CSGALNACT2: variants seen among roughly 807,000 people sequenced by gnomAD.
CSGALNACT2 encodes chondroitin sulfate N-acetylgalactosaminyltransferase 2.
In CSGALNACT2, 35 loss-of-function variants were observed where a neutral mutation model predicts 55.3. The observed-to-expected ratio is 0.63, with a 90% CI of 0.48 to 0.84. CSGALNACT2 has a LOEUF of 0.84. CSGALNACT2 is among the 40% of genes least tolerant of loss of function. The pLI, the probability that CSGALNACT2 is intolerant of heterozygous loss-of-function variation, is 0.00. For missense variants in CSGALNACT2, 544 were observed against 657.5 expected, an observed-to-expected ratio of 0.83 and a Z score of 1.89; for synonymous variants, 196 against 224.9, an observed-to-expected ratio of 0.87 and a Z score of 1.15.
At chr10:43,156,120 C>A (rs1372196005) in intron 2 of CSGALNACT2, among the ~76,000 whole-genome samples, 3 of 152,066 alleles carry the variant, frequency 2.0e-5, no homozygotes, top group Non-Finnish European at 4.4e-5. Context: ...TCCTCACTTA[C>A]CTGATCTTGG....
At chr10:43,180,498 G>T (rs1375302428) in intron 7 of CSGALNACT2, among the ~76,000 whole-genome samples, 1 of 152,078 alleles carries the variant, frequency 6.6e-6, no homozygotes, top group Non-Finnish European at 1.5e-5. Flanking sequence ...TCCGCATCTT[G>T]TGTGTTATCT....
At chr10:43,143,176 C>G (rs1249706507) in intron 1 of CSGALNACT2, among the ~76,000 whole-genome samples, 1 of 152,142 alleles carries the variant, frequency 6.6e-6, no homozygotes, top group Admixed American at 6.5e-5. Flanking sequence ...GTGGACAAGA[C>G]AAACTGAGAA....
intron 5 of CSGALNACT2, among the ~76,000 whole-genome samples, chr10:43,165,042 TGAAA>T (rs1250247907): frequency 6.6e-6 from 1 of 151,792 alleles, no homozygotes; most frequent in Admixed American, 6.6e-5. Context: ...GCTAACACAG[TGAAA>T]CCCCGTCTCT....
At chr10:43,160,966 A>G (rs924526945) in intron 4 of CSGALNACT2, among the ~76,000 whole-genome samples, 1 of 152,074 alleles carries the variant, frequency 6.6e-6, no homozygotes, top group Non-Finnish European at 1.5e-5. Flanking sequence ...TCCCCCTGCT[A>G]ACAATGTTGA....
At chr10:43,176,752 A>G (rs1839488189) in intron 7 of CSGALNACT2, among the ~76,000 whole-genome samples, 1 of 152,146 alleles carries the variant, frequency 6.6e-6, no homozygotes. Flanking sequence ...TGTTTTGTAG[A>G]GGCGGAGCTT....
intron 2 of CSGALNACT2, among the ~76,000 whole-genome samples, chr10:43,156,339 AT>A (rs1238554281): frequency 2.0e-5 from 3 of 152,192 alleles, no homozygotes; most frequent in African/African-American, 7.2e-5. Flanking sequence ...CCTAATACAT[AT>A]TTCAGAAAGG....
intron 1 of CSGALNACT2, among the ~76,000 whole-genome samples, chr10:43,146,379 C>G (rs1410462515): frequency 6.6e-6 from 1 of 152,210 alleles, no homozygotes; most frequent in Non-Finnish European, 1.5e-5. Context: ...AGCAAGTCAG[C>G]CCTTCCATCT....
intron 2 of CSGALNACT2, among the ~76,000 whole-genome samples, chr10:43,158,303 C>A (rs1001112803): frequency 3.3e-5 from 5 of 152,074 alleles, no homozygotes; most frequent in African/African-American, 1.2e-4. Flanking sequence ...CTCTTTGTAT[C>A]ACATAACTGA....
At chr10:43,160,049 G>T (rs1273387636) in intron 3 of CSGALNACT2, among the ~76,000 whole-genome samples, 1 of 152,094 alleles carries the variant, frequency 6.6e-6, no homozygotes, top group African/African-American at 2.4e-5. Context: ...ACTTTCAAAG[G>T]CCACATTATT....
At chr10:43,165,585 G>A (rs1256652091) in intron 5 of CSGALNACT2, among the ~76,000 whole-genome samples, 1 of 152,294 alleles carries the variant, frequency 6.6e-6, no homozygotes, top group Non-Finnish European at 1.5e-5. Flanking sequence ...GAGCACTTGA[G>A]TGCAGGAGTT....
Position 43,183,246 on chromosome 10 carries a change from A to C in CSGALNACT2, c.1337-4A>C. 6.2e-7 allele frequency: 1 copy of C among 1,608,914 alleles called. No homozygotes were observed. The highest frequency in any genetic ancestry group is 8.5e-7 in the Non-Finnish European group (1 of 1,175,318). On this transcript the variant is annotated splice_polypyrimidine_tract_variant and splice_region_variant and intron_variant, in intron 7 of 7. Transcript: ENST00000374466. ...TATTTATAGTGTCAATTTTGATCTTACAGGTGGATTTGACATGGAAGTGAA... is the reference window on the plus strand; with the variant it reads ...TATTTATAGTGTCAATTTTGATCTTCCAGGTGGATTTGACATGGAAGTGAA...
intron 1 of CSGALNACT2, among the ~76,000 whole-genome samples, chr10:43,142,963 C>T (rs1409658958): frequency 6.6e-6 from 1 of 152,206 alleles, no homozygotes; most frequent in Non-Finnish European, 1.5e-5. Flanking sequence ...GAAATAATAT[C>T]TAACAGTTAC....
chr10:43,159,762 T>G (rs1839104717), intron 3 of CSGALNACT2, among the ~76,000 whole-genome samples: 1 of 152,270 alleles, frequency 6.6e-6, no homozygotes, highest in South Asian at 2.1e-4. Context: ...CTACACATTA[T>G]GAAAACTATT....
intron 3 of CSGALNACT2, among the ~76,000 whole-genome samples, chr10:43,160,002 T>C (rs893743834): frequency 2.0e-5 from 3 of 152,240 alleles, no homozygotes; most frequent in African/African-American, 7.2e-5. Flanking sequence ...TGAGATCCGA[T>C]TTCCTAAAGC....
chr10:43,163,725 G>T, intron 4 of CSGALNACT2, 141 bp from the exon 5 acceptor site: 1 of 1,353,666 alleles, frequency 7.4e-7, no homozygotes. Flanking sequence ...ATGAAGCTGG[G>T]ATTTTCTTTC....
At position 43,159,053 on chromosome 10, in the gene CSGALNACT2, G is replaced by A. The variant is rs529419742; in HGVS notation, c.878+122G>A. 1.1e-4 allele frequency: 66 copies of A among 625,466 alleles called. No homozygotes were observed. In the East Asian group the frequency reaches 1.8e-3, roughly 17 times the overall value. 38.7% of individuals were successfully genotyped at this position (625,466 alleles called of 1,614,324 possible). The stretch of plus-strand genomic sequence containing the variant: ...TAGAATAATTTTACAGGCTTTAGGG[G>A]AACTTTATTTTTTTATATTCTCTCT... On this transcript the variant is annotated intron_variant, in intron 3 of 7. Coordinates refer to ENST00000374466, the MANE Select transcript of CSGALNACT2 (RefSeq NM_018590.5).
At chr10:43,181,575 A>G in intron 7 of CSGALNACT2, among the ~76,000 whole-genome samples, 1 of 152,044 alleles carries the variant, frequency 6.6e-6, no homozygotes. Flanking sequence ...AGAGATCCCC[A>G]GATTATTGTC....
intron 1 of CSGALNACT2, among the ~76,000 whole-genome samples, chr10:43,143,424 C>T (rs562377481): frequency 3.3e-4 from 50 of 151,480 alleles, no homozygotes; most frequent in African/African-American, 1.2e-3. Flanking sequence ...AGTATAGAAT[C>T]AGGAAAGTGG....
At chr10:43,170,849 A>T (rs963000368) in intron 6 of CSGALNACT2, among the ~76,000 whole-genome samples, 1 of 152,210 alleles carries the variant, frequency 6.6e-6, no homozygotes, top group African/African-American at 2.4e-5. Context: ...AAAAACGTAG[A>T]TAACTTCCCC....
Sources: gnomAD v4.1 joint callset for allele counts (sites outside exome capture counted in the v4.1 genomes callset) on GRCh38, gnomAD v4.1.1 for gene constraint, MANE v1.5 for transcripts, NCBI Gene and HGNC (gene_info 2026-07-23, HGNC 2026-07-21) for gene names.